The following KCNIP4 variants were observed in gnomAD, a reference collection of about 807,000 sequenced individuals.
KCNIP4 encodes Kv channel-interacting protein 4.
KCNIP4 carries 12 observed loss-of-function variants against 34.0 expected under a neutral mutation model. That is an observed-to-expected ratio of 0.35 (90% CI 0.23 to 0.57). The LOEUF (loss-of-function observed/expected upper bound fraction) is 0.57. KCNIP4 is among the 20% of genes least tolerant of loss of function. The pLI is 0.83. For missense variants in KCNIP4, 238 were observed against 311.7 expected (o/e 0.76, Z 1.78); for synonymous variants, 124 against 102.2 (o/e 1.21, Z -1.29).
chr4:21,867,122 AT>A (rs1343685689), intron 1 of KCNIP4, among the ~76,000 whole-genome samples: 1 of 152,206 alleles, frequency 6.6e-6, no homozygotes, highest in Non-Finnish European at 1.5e-5. Context: ...TTGTATCAGA[AT>A]TAAATTTAAG....
At chr4:20,842,831 C>T (rs1179341907) in intron 3 of KCNIP4, among the ~76,000 whole-genome samples, 1 of 151,706 alleles carries the variant, frequency 6.6e-6, no homozygotes, top group African/African-American at 2.4e-5. Context: ...GATACAAAGA[C>T]TGGAGAATTG....
chr4:21,707,250 G>A (rs111515575), intron 1 of KCNIP4, among the ~76,000 whole-genome samples: 7 of 152,252 alleles, frequency 4.6e-5, no homozygotes, highest in African/African-American at 1.7e-4. Context: ...TGAGGATTCT[G>A]TATCACCTTG....
At chr4:20,816,291 C>T (rs912254197) in intron 3 of KCNIP4, among the ~76,000 whole-genome samples, 1 of 151,682 alleles carries the variant, frequency 6.6e-6, no homozygotes, top group Non-Finnish European at 1.5e-5. Flanking sequence ...GAAGGCAGAG[C>T]CTTTCTCAAC....
chr4:21,157,750 C>A (rs565599191), intron 1 of KCNIP4, among the ~76,000 whole-genome samples: 1 of 152,208 alleles, frequency 6.6e-6, no homozygotes, highest in South Asian at 2.1e-4. Context: ...ATAGCCTTAA[C>A]TTCTACCTTA....
intron 1 of KCNIP4, among the ~76,000 whole-genome samples, chr4:21,748,394 A>ATGGTATACCTTATCAAAT (rs1716923640): frequency 6.6e-5 from 10 of 152,188 alleles, no homozygotes; most frequent in Admixed American, 6.6e-4. Flanking sequence ...ATACCTAATA[A>ATGGTATACCTTATCAAAT]GCATTTGATA....
chr4:20,950,394 G>A lies in KCNIP4; in HGVS notation c.62-67685C>T, dbSNP rs7699655. Among the ~76,000 whole-genome samples the A allele has an allele frequency of 6.5e-3, 996 of 152,166 alleles. 4 individuals carry two copies. Among genetic ancestry groups the A allele is most frequent in the Non-Finnish European group, 0.011 (722 of 68,022 alleles). On this transcript the variant is annotated intron_variant, in intron 1 of 8. Coordinates refer to ENST00000382152, the MANE Select transcript of KCNIP4 (RefSeq NM_025221.6). Reference sequence around the variant, plus strand: ...CTTGCCGAGGGGTTCATTTGATTCCGTTGTTGTGGATATTTCATTCTGTCC... The same window carrying A: ...CTTGCCGAGGGGTTCATTTGATTCCATTGTTGTGGATATTTCATTCTGTCC...
At chr4:21,355,494 C>A (rs1718491502) in intron 1 of KCNIP4, among the ~76,000 whole-genome samples, 1 of 152,108 alleles carries the variant, frequency 6.6e-6, no homozygotes, top group African/African-American at 2.4e-5. Flanking sequence ...CACAGAAATA[C>A]AAAATACCAT....
chr4:20,758,976 C>G (rs1754718733), intron 3 of KCNIP4, 86 bp from the exon 4 acceptor site: 1 of 980,126 alleles, frequency 1.0e-6, no homozygotes, highest in Non-Finnish European at 1.6e-6. Flanking sequence ...AACTGTCTAC[C>G]ATGCAAAGCT....
intron 2 of KCNIP4, among the ~76,000 whole-genome samples, chr4:20,860,092 G>C (rs1722027023): frequency 6.6e-6 from 1 of 151,992 alleles, no homozygotes. Context: ...AGCATTCCAA[G>C]AATAGTGAGT....
intron 1 of KCNIP4, among the ~76,000 whole-genome samples, chr4:20,994,747 C>A (rs939493974): frequency 1.3e-5 from 2 of 152,144 alleles, no homozygotes; most frequent in East Asian, 1.9e-4. Context: ...TGTTATCAGT[C>A]CCATCAGCTA....
At chr4:21,742,301 G>T (rs1378880333) in intron 1 of KCNIP4, among the ~76,000 whole-genome samples, 3 of 152,270 alleles carry the variant, frequency 2.0e-5, no homozygotes, top group Admixed American at 6.5e-5. Context: ...GCAGATGGAT[G>T]TGTTAAATAG....
chr4:20,969,132 T>C (rs1443453597), intron 1 of KCNIP4, among the ~76,000 whole-genome samples: 1 of 152,194 alleles, frequency 6.6e-6, no homozygotes, highest in Non-Finnish European at 1.5e-5. Flanking sequence ...TGTTATTTTT[T>C]CTTTCCATGA....
chr4:21,854,419 AC>A (rs1315523797), intron 1 of KCNIP4, among the ~76,000 whole-genome samples: 1 of 152,154 alleles, frequency 6.6e-6, no homozygotes, highest in Non-Finnish European at 1.5e-5. Context: ...CAGAGTTTTT[AC>A]TTTTTTTTCC....
At chr4:21,735,016 C>A (rs1311532892) in intron 1 of KCNIP4, among the ~76,000 whole-genome samples, 3 of 152,072 alleles carry the variant, frequency 2.0e-5, no homozygotes, top group Non-Finnish European at 4.4e-5. Context: ...TCATTCATTG[C>A]CTCAACTGAT....
At chr4:21,021,058 G>C (rs911209399) in intron 1 of KCNIP4, among the ~76,000 whole-genome samples, 1 of 152,060 alleles carries the variant, frequency 6.6e-6, no homozygotes, top group Non-Finnish European at 1.5e-5. Context: ...AGGCATAACC[G>C]ACTACACACC....
intron 1 of KCNIP4, among the ~76,000 whole-genome samples, chr4:21,863,252 C>A (rs958409762): frequency 1.8e-4 from 24 of 132,304 alleles, no homozygotes; most frequent in Admixed American, 6.9e-4. Flanking sequence ...ATAAATTCCA[C>A]GGATTGAATT....
chr4:21,288,916 A>T lies in KCNIP4; in HGVS notation c.62-406207T>A, dbSNP rs544936092. ...CCAAAGGACAGGATCTCATTTTTTC[A>T]TGGCTGTATAGTATTCCATATTCAC... On this transcript the variant is annotated intron_variant, in intron 1 of 8. Transcript: ENST00000382152. Among the ~76,000 whole-genome samples the T allele has an allele frequency of 1.4e-3, 214 of 152,276 alleles. 7 individuals carry two copies. The South Asian group carries it at 0.043, about 31-fold the overall frequency.
chr4:20,841,668 A>G (rs1200058649), intron 3 of KCNIP4, among the ~76,000 whole-genome samples: 1 of 151,752 alleles, frequency 6.6e-6, no homozygotes, highest in Non-Finnish European at 1.5e-5. Context: ...AATCTCTTGG[A>G]CCAGATTTCT....
intron 3 of KCNIP4, among the ~76,000 whole-genome samples, chr4:20,811,523 G>A (rs1047295597): frequency 1.1e-4 from 16 of 150,448 alleles, no homozygotes; most frequent in Middle Eastern, 3.4e-3. Context: ...GTGCGCGCGC[G>A]CACGCGTGCA....
Sources: allele counts gnomAD v4.1 joint callset (sites outside exome capture counted in the v4.1 genomes callset), GRCh38; gene constraint gnomAD v4.1.1; transcripts MANE v1.5; gene names NCBI Gene and HGNC (gene_info 2026-07-23, HGNC 2026-07-21).